Variants in SLC12A6 observed in about 807,000 individuals in gnomAD.
The protein encoded by SLC12A6 is solute carrier family 12 member 6, also known as K-Cl cotransporter 3.
SLC12A6 carries 66 observed loss-of-function variants against 135.3 expected under a neutral mutation model. The ratio of observed to expected loss-of-function variants is 0.49; its 90% CI spans 0.40 to 0.60. The LOEUF (loss-of-function observed/expected upper bound fraction) is 0.60. Among genes scored for constraint, SLC12A6 ranks in the 20% least tolerant of loss-of-function variants. The pLI is 0.00. For missense variants in SLC12A6, 1,058 were observed against 1,452.3 expected, an observed-to-expected ratio of 0.73 and a Z score of 4.41; for synonymous variants, 513 against 508.8, an observed-to-expected ratio of 1.01 and a Z score of -0.11.
chr15:34,268,733 A>C (rs1051354791), intron 3 of SLC12A6, among the ~76,000 whole-genome samples: 1 of 152,200 alleles, frequency 6.6e-6, no homozygotes, highest in African/African-American at 2.4e-5. Flanking sequence ...TCCATATTCC[A>C]GGGCTCTTTT....
intron 2 of SLC12A6, chr15:34,318,743 C>A: frequency 6.2e-7 from 1 of 1,607,018 alleles, no homozygotes; most frequent in Non-Finnish European, 8.5e-7. Flanking sequence ...GTTTTCCCTG[C>A]CTACCTCTTC....
chr15:34,261,048 GTTTCTCAC>G (rs1566821504), intron 3 of SLC12A6, 28 bp from the exon 4 acceptor site: 2 of 1,132,648 alleles, frequency 1.8e-6, no homozygotes, highest in Non-Finnish European at 2.7e-6. Context: ...GACCAAGTTA[GTTTCTCAC>G]TGGTTTCTGA....
At chr15:34,318,528 T>C in intron 2 of SLC12A6, 2 of 1,555,960 alleles carry the variant, frequency 1.3e-6, no homozygotes, top group South Asian at 1.1e-5. Flanking sequence ...AAACATTTTA[T>C]AGGTTCCAAA....
At chr15:34,290,702 T>C (rs1595509665) in intron 2 of SLC12A6, among the ~76,000 whole-genome samples, 1 of 152,222 alleles carries the variant, frequency 6.6e-6, no homozygotes, top group Admixed American at 6.5e-5. Context: ...GCTCTTCTTG[T>C]TGAATTGATT....
At chr15:34,285,448 T>C (rs1434325047) in intron 2 of SLC12A6, among the ~76,000 whole-genome samples, 2 of 151,166 alleles carry the variant, frequency 1.3e-5, no homozygotes, top group African/African-American at 2.4e-5. Flanking sequence ...ATTTACCCTT[T>C]ACTGAGTTGG....
Position 34,250,691 on chromosome 15 carries a change from C to T in SLC12A6, c.1531G>A (p.Asp511Asn). The T allele has an allele frequency of 6.2e-7, 1 of 1,607,630 alleles. No homozygotes were observed. The highest frequency in any genetic ancestry group is 8.5e-7 in the Non-Finnish European group (1 of 1,174,116). Reference protein sequence around the residue: ...AGSNRSGDLKDAQKSIPIGTI... With the variant: ...AGSNRSGDLKNAQKSIPIGTI... ...CCAATCGGAATAGACTTCTGAGCAT[C>T]TTTCAGATCTCCAGATCTGTTTGAT... The change falls in exon 12 of 26, where the codon GAT (aspartate) becomes AAT (asparagine). Residue 511 changes from aspartate to asparagine, a missense_variant. By Grantham distance (23) the Asp-to-Asn change is conservative. This residue lies in a region of SLC12A6 where 297 missense variants were observed against 318.5 expected (regional missense o/e 0.93). Transcript: ENST00000354181.
chr15:34,255,930 T>C lies in SLC12A6; in HGVS notation c.745+299A>G, dbSNP rs139210833. 6.8e-3 allele frequency among the ~76,000 whole-genome samples: 1,033 copies of C among 152,240 alleles called. 15 individuals are homozygous for C. The highest frequency in any genetic ancestry group is 0.024 in the African/African-American group (976 of 41,524). ...GCTGTGTGAGCTATGATCGTGTCAC[T>C]GCACTCCAGCCTGGGTGACAGAGTG... On this transcript the variant is annotated intron_variant, in intron 7 of 25. Transcript: ENST00000354181.
chr15:34,241,448 T>C, intron 17 of SLC12A6, 111 bp from the exon 18 acceptor site: 1 of 678,844 alleles, frequency 1.5e-6, no homozygotes, highest in Non-Finnish European at 2.6e-6. Context: ...GGTAGAAGAT[T>C]AAAGCTCAGA....
intron 2 of SLC12A6, among the ~76,000 whole-genome samples, chr15:34,296,992 A>C (rs1895919798): frequency 6.6e-6 from 1 of 152,230 alleles, no homozygotes. Context: ...AATGTTTATT[A>C]AGTTCATTTT....
chr15:34,259,723 C>A (rs1440475993), intron 4 of SLC12A6, among the ~76,000 whole-genome samples: 1 of 152,210 alleles, frequency 6.6e-6, no homozygotes. Flanking sequence ...TGAAATAAAC[C>A]AGGCTCCTTT....
chr15:34,316,491 G>A (rs1456830696), intron 2 of SLC12A6, among the ~76,000 whole-genome samples: 1 of 152,138 alleles, frequency 6.6e-6, no homozygotes, highest in Admixed American at 6.6e-5. Flanking sequence ...GTGCAATTTA[G>A]ATAATATACT....
intron 3 of SLC12A6, among the ~76,000 whole-genome samples, chr15:34,266,536 G>A (rs1341787797): frequency 6.6e-6 from 1 of 151,952 alleles, no homozygotes; most frequent in East Asian, 1.9e-4. Flanking sequence ...CAGCCTCCTG[G>A]GCCCAAGAGA....
At chr15:34,323,198 T>C (rs1006821264) in intron 2 of SLC12A6, among the ~76,000 whole-genome samples, 6 of 151,882 alleles carry the variant, frequency 4.0e-5, no homozygotes, top group African/African-American at 1.5e-4. Flanking sequence ...ACAAATAAAA[T>C]GGGCAAAAGA....
At chr15:34,255,968 T>TA (rs1566816922) in intron 7 of SLC12A6, among the ~76,000 whole-genome samples, 1 of 151,930 alleles carries the variant, frequency 6.6e-6, no homozygotes, top group Non-Finnish European at 1.5e-5. Context: ...ACTCTGTCTA[T>TA]AAAAAAATAT....
intron 5 of SLC12A6, among the ~76,000 whole-genome samples, chr15:34,258,158 G>A (rs776068010): frequency 3.3e-4 from 50 of 152,088 alleles, no homozygotes; most frequent in Non-Finnish European, 5.9e-5. Context: ...TCAGAATTTG[G>A]CATAAATTCT....
intron 8 of SLC12A6, among the ~76,000 whole-genome samples, chr15:34,255,045 G>A (rs1387615972): frequency 2.0e-5 from 3 of 152,156 alleles, no homozygotes; most frequent in African/African-American, 7.2e-5. Context: ...CTTGGATGAG[G>A]TGGCAGAGTG....
intron 2 of SLC12A6, among the ~76,000 whole-genome samples, chr15:34,313,992 C>T (rs1395686881): frequency 6.7e-6 from 1 of 149,652 alleles, no homozygotes; most frequent in East Asian, 1.9e-4. Context: ...TCTGCCTATG[C>T]TCAGCGGAAC....
Position 34,244,065 on chromosome 15 carries a change from G to A in SLC12A6, c.1951C>T (p.Leu651Phe). Residue 651 changes from leucine (L) to phenylalanine (F), a missense_variant, in exon 16 of 26, where the codon CTC (leucine) becomes TTC (phenylalanine). Transcript: ENST00000354181. Reference protein sequence around the residue: ...LVAPILSMFFLMCYLFVNLAC... With the variant: ...LVAPILSMFFFMCYLFVNLAC... The stretch of plus-strand genomic sequence containing the variant: ...AAGTTTACAAAGAGGTAACACATGA[G>A]AAAAAACCTGAAGAATAAAGAGTAA... 1 of 1,549,604 alleles carries A rather than the reference G, an allele frequency of 6.5e-7. No individual in the cohort carries two copies. Among genetic ancestry groups the A allele is most frequent in the Non-Finnish European group, 8.9e-7 (1 of 1,121,122 alleles).
intron 2 of SLC12A6, among the ~76,000 whole-genome samples, chr15:34,286,157 G>C (rs1191652399): frequency 6.6e-6 from 1 of 151,470 alleles, no homozygotes; most frequent in Non-Finnish European, 1.5e-5. Context: ...CCCTGCAACC[G>C]CCGCCTCCCG....
Sources: gnomAD v4.1 joint callset for allele counts (sites outside exome capture counted in the v4.1 genomes callset) on GRCh38, gnomAD v4.1.1 for gene constraint, gnomAD v4.1.1 regional missense constraint, MANE v1.5 for transcripts, NCBI Gene and HGNC (gene_info 2026-07-23, HGNC 2026-07-21) for gene names.